TGFBR1: variants seen among roughly 807,000 people sequenced by gnomAD.
TGFBR1 encodes the protein TGF-beta receptor type-1.
In TGFBR1, 20 loss-of-function variants were observed where a neutral mutation model predicts 55.1. The ratio of observed to expected loss-of-function variants is 0.36; its 90% CI spans 0.26 to 0.53. TGFBR1 has a LOEUF of 0.53. Among genes scored for constraint, TGFBR1 ranks in the 20% least tolerant of loss-of-function variants. The probability of loss-of-function intolerance (pLI) is 0.91; values close to 1 mark genes in which losing one functional copy is unlikely to be tolerated. For missense variants in TGFBR1, 385 were observed against 617.6 expected (o/e 0.62, Z 3.99); for synonymous variants, 220 against 214.8 (o/e 1.02, Z -0.21).
intron 1 of TGFBR1, among the ~76,000 whole-genome samples, chr9:99,109,032 A>C (rs1227153326): frequency 6.6e-6 from 1 of 152,168 alleles, no homozygotes; most frequent in Non-Finnish European, 1.5e-5. Flanking sequence ...TGTGCCCTAT[A>C]TGGTGCTTTA....
At chr9:99,112,010 G>T (rs897255765) in intron 1 of TGFBR1, among the ~76,000 whole-genome samples, 1 of 152,212 alleles carries the variant, frequency 6.6e-6, no homozygotes, top group African/African-American at 2.4e-5. Flanking sequence ...GGCTGGAGAG[G>T]ATGGCATGTG....
At chr9:99,125,206 C>T (rs1191808502) in intron 1 of TGFBR1, among the ~76,000 whole-genome samples, 1 of 152,146 alleles carries the variant, frequency 6.6e-6, no homozygotes, top group African/African-American at 2.4e-5. Flanking sequence ...GCATTAATGA[C>T]TTCAAGGCCT....
intron 1 of TGFBR1, among the ~76,000 whole-genome samples, chr9:99,110,221 C>A (rs745955157): frequency 3.9e-5 from 6 of 151,972 alleles, no homozygotes; most frequent in Non-Finnish European, 8.8e-5. Context: ...CCTCAAAGAA[C>A]AATTTCTAAT....
chr9:99,134,944 G>A (rs1827388078), intron 3 of TGFBR1, among the ~76,000 whole-genome samples: 1 of 149,054 alleles, frequency 6.7e-6, no homozygotes, highest in African/African-American at 2.5e-5. Flanking sequence ...TGTCTGCATT[G>A]CTTGCTAGCT....
At chr9:99,128,716 T>C (rs1295912124) in intron 1 of TGFBR1, 139 bp from the exon 2 acceptor site, 3 of 1,149,898 alleles carry the variant, frequency 2.6e-6, no homozygotes, top group Non-Finnish European at 2.5e-6. Context: ...CAAATAGTTG[T>C]TTTTTGCTTC....
At position 99,152,411 on chromosome 9, in the gene TGFBR1, A is replaced by G. The variant is rs1287060568; in HGVS notation, c.*3106A>G. 4.4e-6 allele frequency: 1 copy of G among 227,788 alleles called. No homozygotes were observed. Among genetic ancestry groups the G allele is most frequent in the African/African-American group, 2.2e-5 (1 of 44,990 alleles). 14.1% of individuals were successfully genotyped at this position (227,788 alleles called of 1,614,324 possible). A position where few individuals can be genotyped will look rare whatever the true frequency, so the allele number is the denominator to read the frequency against. On this transcript the variant is annotated 3_prime_UTR_variant, in exon 9 of 9. Coordinates refer to ENST00000374994, the MANE Select transcript of TGFBR1 (RefSeq NM_004612.4). ...GAGCTGAGCCTGTAATTCTGCTGTA[A>G]TAATGATAGTGCTCAAGAAGTGCCT...
At chr9:99,121,820 T>G (rs1468129821) in intron 1 of TGFBR1, among the ~76,000 whole-genome samples, 1 of 151,740 alleles carries the variant, frequency 6.6e-6, no homozygotes, top group Non-Finnish European at 1.5e-5. Context: ...AAAGTCAGAG[T>G]GATGAAAAAA....
intron 1 of TGFBR1, among the ~76,000 whole-genome samples, chr9:99,105,777 T>C (rs917702898): frequency 1.3e-5 from 2 of 150,278 alleles, no homozygotes; most frequent in Non-Finnish European, 3.0e-5. Context: ...CGGGGCGGGG[T>C]TTGAGGTTGG....
In TGFBR1 at chr9:99,142,546, T is replaced by C. The variant is rs1827646085; in HGVS notation, c.816T>C (p.Thr272=). Residue 272 remains threonine, a synonymous_variant, in exon 5 of 9, where the codon ACT becomes ACC. Transcript: ENST00000374994. ...FIAADNKDNG[T]WTQLWLVSDY... ...AATTCTGTTTTACAGACAATGGTAC[T>C]TGGACTCAGCTCTGGTTGGTGTCAG... The C allele has an allele frequency of 6.2e-7, 1 of 1,613,958 alleles. No homozygotes were observed. The highest frequency in any genetic ancestry group is 1.3e-5 in the African/African-American group (1 of 74,924).
chr9:99,104,886 G>C (rs753853779), upstream of TGFBR1, among the ~76,000 whole-genome samples: 76 of 152,048 alleles, frequency 5.0e-4, no homozygotes, highest in Non-Finnish European at 1.1e-3. Context: ...GGAGCCGATC[G>C]GGCCGGGGCT....
chr9:99,134,784 G>A (rs2118659824), intron 3 of TGFBR1, among the ~76,000 whole-genome samples: 3 of 101,918 alleles, frequency 2.9e-5, no homozygotes, highest in South Asian at 3.3e-4. Flanking sequence ...GAGAAACAAT[G>A]GAATAATTCT....
At chr9:99,120,868 C>T (rs919613950) in intron 1 of TGFBR1, among the ~76,000 whole-genome samples, 7 of 152,278 alleles carry the variant, frequency 4.6e-5, no homozygotes, top group East Asian at 1.9e-4. Context: ...TGATTTATTT[C>T]GAATCTAAGT....
intron 1 of TGFBR1, among the ~76,000 whole-genome samples, chr9:99,115,080 C>T (rs1386038400): frequency 6.6e-6 from 1 of 152,152 alleles, no homozygotes; most frequent in African/African-American, 2.4e-5. Flanking sequence ...GAAAAACAAG[C>T]TTCTCTCTGT....
chr9:99,142,421 G>A (rs1827641380), intron 4 of TGFBR1, 115 bp from the exon 5 acceptor site: 1 of 1,089,104 alleles, frequency 9.2e-7, no homozygotes, highest in African/African-American at 1.6e-5. Context: ...ACAGACTTAA[G>A]GTGGCATTAT....
intron 2 of TGFBR1, among the ~76,000 whole-genome samples, chr9:99,131,525 C>A (rs1441308881): frequency 6.6e-6 from 1 of 151,920 alleles, no homozygotes; most frequent in Non-Finnish European, 1.5e-5. Flanking sequence ...TTGTAATTTT[C>A]TGAAACAACC....
At chr9:99,125,270 G>A (rs1407745508) in intron 1 of TGFBR1, among the ~76,000 whole-genome samples, 1 of 152,164 alleles carries the variant, frequency 6.6e-6, no homozygotes, top group Non-Finnish European at 1.5e-5. Context: ...TTGACAGCAA[G>A]CATTCCTCAA....
At chr9:99,125,923 C>T (rs1169557562) in intron 1 of TGFBR1, among the ~76,000 whole-genome samples, 1 of 152,136 alleles carries the variant, frequency 6.6e-6, no homozygotes, top group Non-Finnish European at 1.5e-5. Context: ...ACAAAACAAG[C>T]TTGGCCCTTC....
intron 1 of TGFBR1, among the ~76,000 whole-genome samples, chr9:99,118,406 T>G (rs1490480013): frequency 6.6e-6 from 1 of 152,182 alleles, no homozygotes; most frequent in African/African-American, 2.4e-5. Context: ...CAAGGGAAAA[T>G]GACAGTCATG....
rs199861787 is a variant in TGFBR1 at position 99,149,644 on chromosome 9, G to T, written c.*339G>T. 1.4e-5 allele frequency: 5 copies of T among 354,054 alleles called. No homozygotes were observed. Among genetic ancestry groups the T allele is most frequent in the African/African-American group, 2.1e-5 (1 of 48,324 alleles). The allele number at this position is 354,054 out of a possible 1,614,324, so 21.9% of individuals were successfully genotyped here. Reference sequence around the variant, plus strand: ...CTGGAGATCATCTTTAAGGGCAAAGGAGTTGGATTGCTGAATTACAATGAA... The same window carrying T: ...CTGGAGATCATCTTTAAGGGCAAAGTAGTTGGATTGCTGAATTACAATGAA... On this transcript the variant is annotated 3_prime_UTR_variant, in exon 9 of 9. Coordinates refer to ENST00000374994, the MANE Select transcript of TGFBR1 (RefSeq NM_004612.4).
Sources: allele counts gnomAD v4.1 joint callset (sites outside exome capture counted in the v4.1 genomes callset), GRCh38; gene constraint gnomAD v4.1.1; transcripts MANE v1.5; gene names NCBI Gene and HGNC (gene_info 2026-07-23, HGNC 2026-07-21).